The following NTRK2 variants were observed in gnomAD, a reference collection of about 807,000 sequenced individuals.
NTRK2 encodes the protein neurotrophic receptor tyrosine kinase 2.
In NTRK2, 13 loss-of-function variants were observed where a neutral mutation model predicts 94.5. That is an observed-to-expected ratio of 0.14 (90% CI 0.09 to 0.22). The LOEUF (loss-of-function observed/expected upper bound fraction) is 0.22. Among genes scored for constraint, NTRK2 ranks in the 10% least tolerant of loss-of-function variants. The pLI, the probability that NTRK2 is intolerant of heterozygous loss-of-function variation, is 1.00. For synonymous variants in NTRK2, 372 were observed against 407.4 expected (o/e 0.91, Z 1.05); for missense variants, 639 against 1,071.2 (o/e 0.60, Z 5.63).
At chr9:84,728,962 A>G (rs189419106) in intron 9 of NTRK2, among the ~76,000 whole-genome samples, 8 of 152,314 alleles carry the variant, frequency 5.3e-5, no homozygotes, top group African/African-American at 7.2e-5. Context: ...GGAGCTGTAC[A>G]TGAATAGAGT....
intron 14 of NTRK2, chr9:84,873,070 G>A (rs923679218): frequency 2.8e-6 from 3 of 1,064,086 alleles, no homozygotes; most frequent in Non-Finnish European, 3.4e-6. Flanking sequence ...AAAGAGTGCG[G>A]GGCCCCTCAG....
chr9:84,775,622 C>T (rs565327331), intron 12 of NTRK2, among the ~76,000 whole-genome samples: 1 of 152,300 alleles, frequency 6.6e-6, no homozygotes, highest in Non-Finnish European at 1.5e-5. Flanking sequence ...ATATTTTTCT[C>T]TTATAAATAT....
intron 17 of NTRK2, among the ~76,000 whole-genome samples, chr9:84,977,131 G>T (rs184443401): frequency 6.6e-6 from 1 of 152,302 alleles, no homozygotes; most frequent in African/African-American, 2.4e-5. Context: ...ATCTTCATTA[G>T]CTGATCAATA....
chr9:84,849,635 G>A (rs2074655205), intron 12 of NTRK2, among the ~76,000 whole-genome samples: 1 of 152,172 alleles, frequency 6.6e-6, no homozygotes. Flanking sequence ...AATATGTATT[G>A]CTTTTAAAGA....
At chr9:84,948,181 G>A (rs746546366) in intron 15 of NTRK2, among the ~76,000 whole-genome samples, 4 of 152,210 alleles carry the variant, frequency 2.6e-5, no homozygotes, top group Admixed American at 6.5e-5. Flanking sequence ...AAAGAAGCCC[G>A]TGGGAATTAT....
chr9:85,008,704 C>A (rs1239931655), intron 17 of NTRK2, among the ~76,000 whole-genome samples: 1 of 152,192 alleles, frequency 6.6e-6, no homozygotes, highest in African/African-American at 2.4e-5. Flanking sequence ...AAGCCTGGGT[C>A]TTCACTGTAG....
Position 84,861,850 on chromosome 9 carries a change from G to A in NTRK2, c.1444+763G>A, listed in dbSNP as rs373902417. Among the ~76,000 whole-genome samples, 7 of 152,264 alleles carry A rather than the reference G, an allele frequency of 4.6e-5. No individual in the cohort carries two copies. The East Asian group carries it at 1.2e-3, about 25-fold the overall frequency. ...CTGTTGGTTAGTTATTCTTTTGGTA[G>A]CAAGGTTGGCCATAGGTAAAATGGC... On this transcript the variant is annotated intron_variant, in intron 13 of 18. Coordinates refer to ENST00000277120, the MANE Select transcript of NTRK2 (RefSeq NM_006180.6).
chr9:84,828,855 G>T (rs1391702635), intron 12 of NTRK2, among the ~76,000 whole-genome samples: 2 of 152,172 alleles, frequency 1.3e-5, no homozygotes, highest in Non-Finnish European at 2.9e-5. Context: ...GGCTCCTGGG[G>T]ACTGTGTCAA....
At chr9:84,933,828 C>A (rs1487821559) in intron 14 of NTRK2, among the ~76,000 whole-genome samples, 1 of 152,234 alleles carries the variant, frequency 6.6e-6, no homozygotes, top group Non-Finnish European at 1.5e-5. Flanking sequence ...TGCAAAGCAT[C>A]TGGCTTATAA....
rs1413765550 is a variant in NTRK2, at chr9:84,749,286, CACAGTT to C, written c.1297-2698_1297-2693del. 2.0e-5 allele frequency among the ~76,000 whole-genome samples: 3 copies of C among 151,954 alleles called. No homozygotes were observed. In the East Asian group the frequency reaches 5.8e-4, roughly 29 times the overall value. On this transcript the variant is annotated intron_variant, in intron 11 of 18. Transcript: ENST00000277120. ...AGAAGCGTTTTTGGGGAGATATACT[CACAGTT>C]AAAGTACCAGAGAAGAGAATGATCA... is the stretch of plus-strand genomic sequence containing the variant.
intron 11 of NTRK2, among the ~76,000 whole-genome samples, chr9:84,748,428 A>G (rs1293800146): frequency 6.6e-6 from 1 of 152,240 alleles, no homozygotes; most frequent in Non-Finnish European, 1.5e-5. Flanking sequence ...GTTGACTTAC[A>G]CATTCTATAA....
chr9:84,763,267 C>CTTTTTGAA (rs1188181812), intron 12 of NTRK2, among the ~76,000 whole-genome samples: 1 of 152,112 alleles, frequency 6.6e-6, no homozygotes, highest in East Asian at 1.9e-4. Context: ...AAGTCTGAGT[C>CTTTTTGAA]AGGGCTCTGT....
intron 12 of NTRK2, among the ~76,000 whole-genome samples, chr9:84,794,130 T>G (rs966299834): frequency 6.6e-6 from 1 of 152,208 alleles, no homozygotes; most frequent in Non-Finnish European, 1.5e-5. Flanking sequence ...GCCAGGACGC[T>G]GAAAATGTCT....
In NTRK2 at chr9:84,892,976, T is replaced by G. The variant is rs543913755; in HGVS notation, c.1633+25545T>G. Among the ~76,000 whole-genome samples the G allele has an allele frequency of 5.3e-5, 8 of 152,274 alleles. No homozygotes were observed. In the East Asian group the frequency reaches 1.5e-3, roughly 29 times the overall value. ...CTTTTCTTTTTCTTTCCTTCCTTCT[T>G]TCCTGCCTCCCTCCCTTCCTTTTTT... On this transcript the variant is annotated intron_variant, in intron 14 of 18. Coordinates refer to ENST00000277120, the MANE Select transcript of NTRK2 (RefSeq NM_006180.6).
chr9:84,942,709 A>G (rs1308063153), intron 15 of NTRK2, among the ~76,000 whole-genome samples: 8 of 152,132 alleles, frequency 5.3e-5, no homozygotes. Flanking sequence ...TGTATTATTA[A>G]TATAAAATAT....
rs78733247 is a variant in NTRK2 at position 84,765,671 on chromosome 9, C to T, written c.1396+13586C>T. On this transcript the variant is annotated intron_variant, in intron 12 of 18. Transcript: ENST00000277120. ...TTCCATGCCATGTTCACTGCTTGAG[C>T]GTGTCATACGTGACTAGTATTGTCT... Among the ~76,000 whole-genome samples, 1,212 of 152,202 alleles carry T rather than the reference C, an allele frequency of 8.0e-3. 21 individuals carry two copies. Among genetic ancestry groups the T allele is most frequent in the African/African-American group, 0.027 (1,125 of 41,522 alleles).
chr9:84,821,286 G>A (rs1342356828), intron 12 of NTRK2, among the ~76,000 whole-genome samples: 4 of 150,002 alleles, frequency 2.7e-5, no homozygotes, highest in Admixed American at 6.7e-5. Flanking sequence ...GTGTGTGTGC[G>A]AGAGAGAGAG....
At chr9:84,759,689 T>C (rs2065383018) in intron 12 of NTRK2, among the ~76,000 whole-genome samples, 1 of 152,246 alleles carries the variant, frequency 6.6e-6, no homozygotes, top group African/African-American at 2.4e-5. Context: ...TTATGGCCTA[T>C]TTCAGACAGG....
Position 85,021,489 on chromosome 9 carries a change from G to C in NTRK2, c.*52G>C, listed in dbSNP as rs752954954. On this transcript the variant is annotated 3_prime_UTR_variant, in exon 19 of 19. Transcript: ENST00000277120. ...CCAACGTACTCCTCAGACGGGCTGA[G>C]AGGATGAACATCTTTTAACTGCCGC... The C allele has an allele frequency of 1.3e-6, 2 of 1,583,862 alleles. No individual in the cohort carries two copies. Among genetic ancestry groups the C allele is most frequent in the Non-Finnish European group, 1.7e-6 (2 of 1,152,970 alleles).
Sources: gnomAD v4.1 joint callset for allele counts (sites outside exome capture counted in the v4.1 genomes callset) on GRCh38, gnomAD v4.1.1 for gene constraint, MANE v1.5 for transcripts, NCBI Gene and HGNC (gene_info 2026-07-23, HGNC 2026-07-21) for gene names.